Variants in MFHAS1 observed in about 807,000 individuals in gnomAD.
The protein encoded by MFHAS1 is malignant fibrous histiocytoma-amplified sequence 1.
In MFHAS1, 50 loss-of-function variants were observed where a neutral mutation model predicts 70.4. The ratio of observed to expected loss-of-function variants is 0.71; its 90% CI spans 0.57 to 0.90. MFHAS1 has a LOEUF of 0.90. Among genes scored for constraint, MFHAS1 ranks in the 40% least tolerant of loss-of-function variants. MFHAS1 has a pLI of 0.00. For synonymous variants in MFHAS1, 952 were observed against 620.0 expected (o/e 1.54, Z -7.96); for missense variants, 1,795 against 1,347.6 (o/e 1.33, Z -5.20).
intron 1 of MFHAS1, among the ~76,000 whole-genome samples, chr8:8,833,630 A>T (rs916399033): frequency 7.2e-5 from 11 of 152,088 alleles, no homozygotes; most frequent in African/African-American, 2.7e-4. Flanking sequence ...CCCTGTCTTT[A>T]AGAATAAATA....
At chr8:8,821,841 G>C (rs762242770) in intron 1 of MFHAS1, 3 of 152,254 alleles carry the variant, frequency 2.0e-5, no homozygotes, top group Non-Finnish European at 4.4e-5. Context: ...GTGGACATCT[G>C]AGGAAATCAC....
intron 1 of MFHAS1, among the ~76,000 whole-genome samples, chr8:8,864,737 G>C (rs929257024): frequency 3.2e-4 from 49 of 152,050 alleles, no homozygotes; most frequent in African/African-American, 1.1e-3. Flanking sequence ...CCTTGAACTT[G>C]GGGTCACTTG....
chr8:8,843,059 A>G (rs905400734), intron 1 of MFHAS1, among the ~76,000 whole-genome samples: 1 of 151,786 alleles, frequency 6.6e-6, no homozygotes, highest in Non-Finnish European at 1.5e-5. Context: ...AGGTCAGGAG[A>G]TCGAGACCAT....
intron 1 of MFHAS1, among the ~76,000 whole-genome samples, chr8:8,799,165 G>C (rs1460882395): frequency 1.3e-5 from 2 of 152,126 alleles, no homozygotes; most frequent in African/African-American, 4.8e-5. Context: ...ACCGAGGACA[G>C]TACCGAAGAC....
intron 1 of MFHAS1, among the ~76,000 whole-genome samples, chr8:8,846,117 G>A (rs1053565435): frequency 1.3e-5 from 2 of 151,760 alleles, no homozygotes; most frequent in African/African-American, 2.4e-5. Flanking sequence ...GCTGGACATG[G>A]TGGCACGCAT....
At chr8:8,852,540 G>A (rs1053518038) in intron 1 of MFHAS1, among the ~76,000 whole-genome samples, 1 of 152,022 alleles carries the variant, frequency 6.6e-6, no homozygotes, top group Non-Finnish European at 1.5e-5. Flanking sequence ...CCTGGTGCCT[G>A]CTGGTTTCAG....
chr8:8,880,684 GTTTTTTT>G (rs869117025), intron 1 of MFHAS1, among the ~76,000 whole-genome samples: 13 of 114,898 alleles, frequency 1.1e-4, no homozygotes, highest in African/African-American at 5.8e-4. Context: ...TTCCTTTTTT[GTTTTTTT>G]TTTTTTTCCC....
chr8:8,824,616 T>C (rs1807089014), intron 1 of MFHAS1, among the ~76,000 whole-genome samples: 1 of 151,742 alleles, frequency 6.6e-6, no homozygotes, highest in African/African-American at 2.4e-5. Flanking sequence ...CCAATATCTA[T>C]AAGAAGGTCA....
chr8:8,798,985 T>C (rs1172047104), intron 1 of MFHAS1, among the ~76,000 whole-genome samples: 1 of 151,046 alleles, frequency 6.6e-6, no homozygotes, highest in Non-Finnish European at 1.5e-5. Context: ...AAGGCAGAGG[T>C]TCCAGTGAGC....
At chr8:8,856,980 G>GAAAAAAAAAAAAA (rs59496543) in intron 1 of MFHAS1, among the ~76,000 whole-genome samples, 1 of 53,370 alleles carries the variant, frequency 1.9e-5, no homozygotes, top group African/African-American at 7.4e-5. Context: ...TCAGGAAAGT[G>GAAAAAAAAAAAAA]AAAAAAAAAA....
At chr8:8,800,691 C>T (rs1806055845) in intron 1 of MFHAS1, among the ~76,000 whole-genome samples, 1 of 152,226 alleles carries the variant, frequency 6.6e-6, no homozygotes, top group Non-Finnish European at 1.5e-5. Flanking sequence ...AAATCATCCC[C>T]AGGGCTTGAA....
intron 1 of MFHAS1, among the ~76,000 whole-genome samples, chr8:8,811,401 A>C (rs142470740): frequency 1.3e-5 from 2 of 151,864 alleles, no homozygotes; most frequent in African/African-American, 4.8e-5. Flanking sequence ...TCAGCATCCC[A>C]AGTAAATGGG....
chr8:8,821,107 G>A (rs954960263), intron 1 of MFHAS1, among the ~76,000 whole-genome samples: 1 of 152,144 alleles, frequency 6.6e-6, no homozygotes, highest in Non-Finnish European at 1.5e-5. Flanking sequence ...GTTCCCAGGG[G>A]TCTGCAGGTC....
Position 8,892,251 on chromosome 8 carries a change from T to C in MFHAS1, c.808A>G (p.Ser270Gly), listed in dbSNP as rs1366829807. Residue 270 changes from serine to glycine, a missense_variant, in exon 1 of 3, where the codon AGC (serine) becomes GGC (glycine). By Grantham distance (56) the Ser-to-Gly change is moderately conservative. Transcript: ENST00000276282. This position sits in a 1 kb window ranked among gnomAD's most constrained non-coding sequence, Gnocchi z 4.7. Reference sequence around the variant, plus strand: ...AGCATTTTGAGCCGCTGCAGGCAGCTGAACTGGGCGGGCAGAGCCTGCAGC... The same window carrying C: ...AGCATTTTGAGCCGCTGCAGGCAGCCGAACTGGGCGGGCAGAGCCTGCAGC... ...NGLQALPAQF[S>G]CLQRLKMLNL... The C allele has an allele frequency of 6.2e-7, 1 of 1,612,098 alleles. No individual in the cohort carries two copies. Among genetic ancestry groups the C allele is most frequent in the Admixed American group, 1.7e-5 (1 of 60,022 alleles).
chr8:8,877,301 CA>C (rs3989409), intron 1 of MFHAS1, among the ~76,000 whole-genome samples: 13 of 63,794 alleles, frequency 2.0e-4, no homozygotes, highest in Admixed American at 4.7e-4. Flanking sequence ...GACCCTGCCT[CA>C]AAAAAAAAAA....
At chr8:8,848,299 A>G (rs1376018266) in intron 1 of MFHAS1, among the ~76,000 whole-genome samples, 2 of 151,924 alleles carry the variant, frequency 1.3e-5, no homozygotes, top group African/African-American at 4.8e-5. Flanking sequence ...AGAAGGGATT[A>G]TGACTCCAAT....
At position 8,822,573 on chromosome 8, in the gene MFHAS1, G is replaced by C. The variant is rs11779585; in HGVS notation, c.2999-25082C>G. Among the ~76,000 whole-genome samples the C allele has an allele frequency of 3.9e-3, 557 of 143,068 alleles. 8 individuals carry two copies. The highest frequency in any genetic ancestry group is 0.015 in the Middle Eastern group (4 of 274). The allele number at this position is 143,068 out of a possible 152,430, so 93.9% of individuals were successfully genotyped here. On this transcript the variant is annotated intron_variant, in intron 1 of 2. Coordinates refer to ENST00000276282, the MANE Select transcript of MFHAS1 (RefSeq NM_004225.3). Reference sequence around the variant, plus strand: ...AGTGACCCAAGTCAGGGGGCCTGAGGTGAGGACAGGGACCAAATCAGGGGG... The same window carrying C: ...AGTGACCCAAGTCAGGGGGCCTGAGCTGAGGACAGGGACCAAATCAGGGGG...
At chr8:8,857,902 A>G (rs1485165269) in intron 1 of MFHAS1, among the ~76,000 whole-genome samples, 1 of 152,238 alleles carries the variant, frequency 6.6e-6, no homozygotes, top group Non-Finnish European at 1.5e-5. Context: ...CTGACTGCCC[A>G]CTTGTTGATA....
At chr8:8,880,352 T>A (rs113684599) in intron 1 of MFHAS1, among the ~76,000 whole-genome samples, 5 of 152,194 alleles carry the variant, frequency 3.3e-5, no homozygotes, top group African/African-American at 1.2e-4. Context: ...ACACTGGGAA[T>A]GTACTAAATG....
Sources: allele counts gnomAD v4.1 joint callset (sites outside exome capture counted in the v4.1 genomes callset), GRCh38; gene constraint gnomAD v4.1.1; non-coding constraint Gnocchi (gnomAD v3.1); transcripts MANE v1.5; gene names NCBI Gene and HGNC (gene_info 2026-07-23, HGNC 2026-07-21).